Variants in DST observed in about 807,000 individuals in gnomAD.
DST encodes the protein bullous pemphigoid antigen.
Under a neutral mutation model 875.2 loss-of-function variants are expected in DST, and 253 were observed. The ratio of observed to expected loss-of-function variants is 0.29; its 90% CI spans 0.26 to 0.32. The LOEUF (loss-of-function observed/expected upper bound fraction) is 0.32, where lower values mean the gene tolerates loss of function less well. Ranked by LOEUF, DST falls within the 10% of genes least tolerant of loss-of-function variation. The pLI, the probability that DST is intolerant of heterozygous loss-of-function variation, is 1.00. For synonymous variants in DST, 3,124 were observed against 3,197.1 expected (o/e 0.98, Z 0.77); for missense variants, 8,287 against 9,111.6 (o/e 0.91, Z 3.68).
At chr6:56,727,754 C>T (rs1294089362) in intron 5 of DST, among the ~76,000 whole-genome samples, 2 of 152,196 alleles carry the variant, frequency 1.3e-5, no homozygotes, top group Non-Finnish European at 2.9e-5. Context: ...TGTGCCCTAG[C>T]ATATTGCTTT....
chr6:56,658,432 C>T (rs2099021562), intron 10 of DST, among the ~76,000 whole-genome samples: 1 of 152,040 alleles, frequency 6.6e-6, no homozygotes, highest in Non-Finnish European at 1.5e-5. Context: ...TACAGAGCAT[C>T]TGGAAATGTG....
At chr6:56,768,495 A>G (rs1250736904) in intron 4 of DST, among the ~76,000 whole-genome samples, 1 of 152,236 alleles carries the variant, frequency 6.6e-6, no homozygotes, top group Non-Finnish European at 1.5e-5. Flanking sequence ...CTATATGCAA[A>G]AAATATACAA....
chr6:56,613,739 C>T (rs777936829), intron 37 of DST, among the ~76,000 whole-genome samples: 1 of 152,188 alleles, frequency 6.6e-6, no homozygotes, highest in Non-Finnish European at 1.5e-5. Flanking sequence ...GGACATCTCC[C>T]AAGCTGCGGC....
At chr6:56,749,119 C>T (rs949424984) in intron 4 of DST, among the ~76,000 whole-genome samples, 1 of 152,062 alleles carries the variant, frequency 6.6e-6, no homozygotes, top group Non-Finnish European at 1.5e-5. Flanking sequence ...GTAATCCCAG[C>T]ATTTTGGGCG....
At chr6:56,481,727 T>C (rs1186164921) in intron 90 of DST, among the ~76,000 whole-genome samples, 1 of 152,200 alleles carries the variant, frequency 6.6e-6, no homozygotes, top group Non-Finnish European at 1.5e-5. Flanking sequence ...GAAATCCACA[T>C]GATAACTGCA....
At chr6:56,525,721 G>A (rs2096785563) in intron 69 of DST, among the ~76,000 whole-genome samples, 1 of 152,110 alleles carries the variant, frequency 6.6e-6, no homozygotes, top group South Asian at 2.1e-4. Flanking sequence ...ATCAACACAT[G>A]TATTATATTA....
At chr6:56,693,731 A>G (rs576432161) in intron 9 of DST, among the ~76,000 whole-genome samples, 168 of 152,190 alleles carry the variant, frequency 1.1e-3, no homozygotes, top group African/African-American at 3.9e-3. Context: ...GTACTTGCAC[A>G]CAAACACATC....
rs116177239 is a variant in DST, at chr6:56,940,584, T to G, written c.216+13201A>C. On this transcript the variant is annotated intron_variant, in intron 2 of 103. Transcript: ENST00000680361. ...TTCTCTTATCCTTTTTTTTTTCTTT[T>G]TATTTACTTTATTTTGAGACAGGGT... Among the ~76,000 whole-genome samples the G allele has an allele frequency of 6.6e-3, 1,003 of 152,170 alleles. 10 individuals are homozygous for G. The highest frequency in any genetic ancestry group is 0.023 in the African/African-American group (961 of 41,526).
intron 4 of DST, among the ~76,000 whole-genome samples, chr6:56,749,368 T>C (rs1371896249): frequency 1.3e-5 from 2 of 151,980 alleles, no homozygotes; most frequent in Admixed American, 6.6e-5. Context: ...AAATAAAAAA[T>C]AAGAGCTTGG....
rs1376812152 is a variant in DST at position 56,618,753 on chromosome 6, AT to A, written c.4930-4270del. The A allele has an allele frequency of 6.2e-7, 1 of 1,614,074 alleles. No homozygotes were observed. Among genetic ancestry groups the A allele is most frequent in the Non-Finnish European group, 8.5e-7 (1 of 1,180,010 alleles). The stretch of plus-strand genomic sequence containing the variant: ...TCAGTGATGACTTTGGACTCCATTA[AT>A]TTTTCCATCTTCTTCCGAAACTCCT... On this transcript the variant is annotated intron_variant, in intron 36 of 103. Coordinates refer to ENST00000680361, the MANE Select transcript of DST (RefSeq NM_001374736.1).
At chr6:56,694,097 T>A (rs2152863694) in intron 9 of DST, among the ~76,000 whole-genome samples, 1 of 150,164 alleles carries the variant, frequency 6.7e-6, no homozygotes, top group Admixed American at 6.6e-5. Flanking sequence ...ACTTTTATAA[T>A]CATACCCTAG....
chr6:56,561,976 T>G (rs1187072423), intron 56 of DST, among the ~76,000 whole-genome samples, 162 bp downstream of exon 56: 1 of 152,142 alleles, frequency 6.6e-6, no homozygotes, highest in African/African-American at 2.4e-5. Context: ...GCAAAAAATG[T>G]TATATAAATA....
rs1485747870 is a variant in DST at position 56,890,558 on chromosome 6, T to C, written c.417+9863A>G. ...TTTAGTTTATCCACTTTTAGAAACA[T>C]CTAAAACAAGGAGTAAAATAAAAAA... On this transcript the variant is annotated intron_variant, in intron 3 of 103. Transcript: ENST00000680361. Among the ~76,000 whole-genome samples, 3 of 152,308 alleles carry C rather than the reference T, an allele frequency of 2.0e-5. No homozygotes were observed. The South Asian group carries it at 6.2e-4, about 32-fold the overall frequency.
Position 56,634,575 on chromosome 6 carries a change from G to C in DST, c.3381C>G (p.Asn1127Lys). 1 of 1,614,164 alleles carries C rather than the reference G, an allele frequency of 6.2e-7. No homozygotes were observed. Among genetic ancestry groups the C allele is most frequent in the Non-Finnish European group, 8.5e-7 (1 of 1,180,034 alleles). The change falls in exon 26 of 104, where the codon AAC becomes AAG. Residue 1127 changes from asparagine (N) to lysine (K), a missense_variant. Asn to Lys is a moderately conservative substitution (Grantham distance 94). Around this residue, in one of 10 missense-constraint regions of DST, gnomAD observed 1,160 missense variants for 1,424.3 expected, o/e 0.81. Coordinates refer to ENST00000680361, the MANE Select transcript of DST (RefSeq NM_001374736.1). ...TGACCTTCCATTTAGCACGATGAGA[G>C]TTATTCGCCAAAACACATTCATCGT... is the stretch of plus-strand genomic sequence containing the variant. Reference protein sequence around the residue: ...YKDDECVLANNSHRAKWKVIS... With the variant: ...YKDDECVLANKSHRAKWKVIS...
At chr6:56,937,298 T>C (rs934731434) in intron 2 of DST, among the ~76,000 whole-genome samples, 2 of 152,038 alleles carry the variant, frequency 1.3e-5, no homozygotes, top group East Asian at 3.8e-4. Flanking sequence ...GTATCCAGAA[T>C]GTATAAAGAA....
In DST at chr6:56,843,390, C is replaced by A; in HGVS notation, c.625+8007G>T. 3 of 1,140,704 alleles carry A rather than the reference C, an allele frequency of 2.6e-6. 1 individual carries two copies. The South Asian group carries it at 1.3e-4, about 50-fold the overall frequency. The allele number at this position is 1,140,704 out of a possible 1,614,324, so 70.7% of individuals were successfully genotyped here. A position where few individuals can be genotyped will look rare whatever the true frequency, so the allele number is the denominator to read the frequency against. On this transcript the variant is annotated intron_variant, in intron 4 of 103. Coordinates refer to ENST00000680361, the MANE Select transcript of DST (RefSeq NM_001374736.1). ...GGTGGGCCGCCCGGCTCCGGGAGCC[C>A]GAGTCCCTCTCGGGTTTCAGCAGCG...
At chr6:56,533,455 G>C (rs968119942) in intron 63 of DST, among the ~76,000 whole-genome samples, 3 of 152,172 alleles carry the variant, frequency 2.0e-5, no homozygotes, top group Admixed American at 6.5e-5. Context: ...AGTATTTTGA[G>C]ATCAGGACCA....
At chr6:56,593,081 T>A (rs1390303559) in intron 48 of DST, among the ~76,000 whole-genome samples, 1 of 152,162 alleles carries the variant, frequency 6.6e-6, no homozygotes, top group African/African-American at 2.4e-5. Context: ...TTAGAGTCAA[T>A]GCACAACCGC....
intron 27 of DST, among the ~76,000 whole-genome samples, chr6:56,633,753 C>T (rs1268783963): frequency 6.6e-6 from 1 of 152,056 alleles, no homozygotes; most frequent in Non-Finnish European, 1.5e-5. Context: ...CCACCTGCCT[C>T]GGCCTCCCAA....
Sources: allele counts gnomAD v4.1 joint callset (sites outside exome capture counted in the v4.1 genomes callset), GRCh38; gene constraint gnomAD v4.1.1; regional missense constraint gnomAD v4.1.1; transcripts MANE v1.5; gene names NCBI Gene and HGNC (gene_info 2026-07-23, HGNC 2026-07-21).